TNNI3K: variants seen among roughly 807,000 people sequenced by gnomAD.
TNNI3K encodes serine/threonine-protein kinase TNNI3K.
A neutral mutation model predicts 114.5 loss-of-function variants in TNNI3K; 140 were observed. That is an observed-to-expected ratio of 1.22 (90% confidence interval 1.07 to 1.41). The LOEUF (loss-of-function observed/expected upper bound fraction) is 1.41, where lower values mean the gene tolerates loss of function less well. Ranked by LOEUF, TNNI3K falls within the 40% of genes most tolerant of loss-of-function variation. The pLI, the probability that TNNI3K is intolerant of heterozygous loss-of-function variation, is 0.00. For missense variants in TNNI3K, 1,125 were observed against 1,007.6 expected (o/e 1.12, Z -1.58); for synonymous variants, 347 against 347.5 (o/e 1.00, Z 0.02).
chr1:74,475,657 T>TTA, intron 21 of TNNI3K: 3 of 717,032 alleles, frequency 4.2e-6, no homozygotes, highest in Non-Finnish European at 5.2e-6. Context: ...GCAGTTGCAG[T>TTA]ATCCCTTAGT....
At chr1:74,387,190 A>G (rs879528720) in intron 17 of TNNI3K, among the ~76,000 whole-genome samples, 10 of 152,182 alleles carry the variant, frequency 6.6e-5, no homozygotes, top group Non-Finnish European at 1.5e-4. Context: ...CATGTTTTCT[A>G]TTGTGCTTCA....
chr1:74,479,372 C>CA (rs570670858), intron 21 of TNNI3K, among the ~76,000 whole-genome samples: 12 of 152,244 alleles, frequency 7.9e-5, no homozygotes, highest in East Asian at 1.9e-4. Context: ...TTTTAAATTA[C>CA]AAAAAATATA....
chr1:74,406,857 G>C (rs775153038), intron 17 of TNNI3K, among the ~76,000 whole-genome samples: 1 of 152,164 alleles, frequency 6.6e-6, no homozygotes, highest in African/African-American at 2.4e-5. Context: ...CTCCGCTGCT[G>C]TTCCAAAATG....
chr1:74,498,953 T>A (rs1275946853), intron 23 of TNNI3K, among the ~76,000 whole-genome samples: 2 of 152,208 alleles, frequency 1.3e-5, no homozygotes, highest in Non-Finnish European at 2.9e-5. Context: ...TATTTTAGCA[T>A]GAAATAAAAG....
chr1:74,293,983 T>C (rs919425912), intron 5 of TNNI3K, among the ~76,000 whole-genome samples: 4 of 151,856 alleles, frequency 2.6e-5, no homozygotes, highest in African/African-American at 9.6e-5. Flanking sequence ...ATTAATATGC[T>C]AATTTACATT....
intron 17 of TNNI3K, among the ~76,000 whole-genome samples, chr1:74,421,253 G>A (rs1186538763): frequency 6.6e-6 from 1 of 152,076 alleles, no homozygotes; most frequent in Admixed American, 6.6e-5. Flanking sequence ...AAACCTTACT[G>A]ACTTCTAATT....
chr1:74,324,056 AT>A (rs1278578507), intron 5 of TNNI3K, among the ~76,000 whole-genome samples: 121 of 152,326 alleles, frequency 7.9e-4, no homozygotes, highest in African/African-American at 2.8e-3. Flanking sequence ...AAAGGTCATA[AT>A]TTGGTCTTGA....
intron 11 of TNNI3K, among the ~76,000 whole-genome samples, chr1:74,354,798 A>T (rs1661569213): frequency 6.6e-6 from 1 of 152,232 alleles, no homozygotes; most frequent in African/African-American, 2.4e-5. Context: ...ATGAGATAAT[A>T]TACGCAAATT....
In TNNI3K at chr1:74,487,453, C is replaced by T. The variant is rs74691615; in HGVS notation, c.2122-1736C>T. ...TAATAGGCTCTCTGAATAGTACTGACGGTCCATGGGAGATTAGAGGGTCAA... is the reference window on the plus strand; with the variant it reads ...TAATAGGCTCTCTGAATAGTACTGATGGTCCATGGGAGATTAGAGGGTCAA... On this transcript the variant is annotated intron_variant, in intron 21 of 24. Transcript: ENST00000326637. Among the ~76,000 whole-genome samples, 76 of 152,228 alleles carry T rather than the reference C, an allele frequency of 5.0e-4. 2 individuals carry two copies. Among genetic ancestry groups the T allele is most frequent in the African/African-American group, 1.5e-3 (64 of 41,540 alleles).
chr1:74,256,289 T>C (rs1655298867), intron 4 of TNNI3K, among the ~76,000 whole-genome samples: 2 of 112,390 alleles, frequency 1.8e-5, no homozygotes, highest in African/African-American at 4.7e-5. Flanking sequence ...CAGTCTTTTT[T>C]TTTTTTTTTT....
At chr1:74,432,901 G>A (rs1016075846) in intron 17 of TNNI3K, among the ~76,000 whole-genome samples, 16 of 152,072 alleles carry the variant, frequency 1.1e-4, no homozygotes, top group African/African-American at 2.9e-4. Flanking sequence ...CCTCTTCCCA[G>A]CTATGATACA....
chr1:74,496,553 T>C (rs1669334417), intron 23 of TNNI3K, among the ~76,000 whole-genome samples: 1 of 152,168 alleles, frequency 6.6e-6, no homozygotes, highest in Admixed American at 6.5e-5. Flanking sequence ...GATGATAGGT[T>C]TGAGTTTTGT....
At chr1:74,383,479 T>C (rs1663311080) in intron 17 of TNNI3K, among the ~76,000 whole-genome samples, 1 of 152,042 alleles carries the variant, frequency 6.6e-6, no homozygotes, top group Non-Finnish European at 1.5e-5. Flanking sequence ...TCCATAAAAC[T>C]TTCCTTCTAA....
At chr1:74,484,639 G>A (rs371006628) in intron 21 of TNNI3K, among the ~76,000 whole-genome samples, 9 of 152,284 alleles carry the variant, frequency 5.9e-5, no homozygotes, top group Middle Eastern at 3.4e-3. Flanking sequence ...TCATGGTGGA[G>A]AGGATCCAAT....
chr1:74,480,908 C>T, intron 21 of TNNI3K: 1 of 717,380 alleles, frequency 1.4e-6, no homozygotes, highest in Non-Finnish European at 2.6e-6. Context: ...CAGGTTTGTG[C>T]TCTCAATAGA....
intron 5 of TNNI3K, among the ~76,000 whole-genome samples, chr1:74,314,700 T>C (rs866394333): frequency 6.6e-6 from 1 of 152,116 alleles, no homozygotes; most frequent in South Asian, 2.1e-4. Context: ...AGAGAAGTGA[T>C]CAAAGTCATA....
At chr1:74,343,707 C>A (rs899140977) in intron 9 of TNNI3K, among the ~76,000 whole-genome samples, 1 of 152,162 alleles carries the variant, frequency 6.6e-6, no homozygotes, top group African/African-American at 2.4e-5. Flanking sequence ...ATCAGCTCTT[C>A]TCTAGGAATT....
chr1:74,475,496 G>A (rs45535932), intron 21 of TNNI3K: 5 of 716,782 alleles, frequency 7.0e-6, no homozygotes, highest in South Asian at 1.5e-5. Flanking sequence ...CCTACCCCAC[G>A]GTCTTTCTTT....
chr1:74,533,516 G>T (rs1327764481), intron 23 of TNNI3K, among the ~76,000 whole-genome samples: 1 of 152,094 alleles, frequency 6.6e-6, no homozygotes, highest in African/African-American at 2.4e-5. Context: ...ATTCCTCAGG[G>T]ATCTAGAACT....
Sources: allele counts gnomAD v4.1 joint callset (sites outside exome capture counted in the v4.1 genomes callset), GRCh38; gene constraint gnomAD v4.1.1; transcripts MANE v1.5; gene names NCBI Gene and HGNC (gene_info 2026-07-23, HGNC 2026-07-21).